COL18A1: variants seen among roughly 807,000 people sequenced by gnomAD.
COL18A1 encodes the protein collagen alpha-1(XVIII) chain.
In COL18A1, 133 loss-of-function variants were observed where a neutral mutation model predicts 168.0. The observed-to-expected ratio is 0.79, with a 90% CI of 0.69 to 0.91. The LOEUF (loss-of-function observed/expected upper bound fraction) is 0.91, where lower values mean the gene tolerates loss of function less well. COL18A1 is among the 40% of genes least tolerant of loss of function. The pLI is 0.00. For missense variants in COL18A1, 2,126 were observed against 1,925.4 expected (o/e 1.10, Z -1.95); for synonymous variants, 949 against 809.0 (o/e 1.17, Z -2.94).
rs543173469 is a variant in COL18A1, at chr21:45,480,745, G to A, written c.1498G>A (p.Gly500Ser). ...ACCTCCCGGACCCCCCGGTGTCCCA[G>A]GCCTGCCCGGCGAGCCAGGCCGCTT... ...PGPPGPPGVP[G>S]LPGEPGRFGV... The change falls in exon 13 of 42, where the codon GGC (glycine) becomes AGC (serine). Residue 500 changes from glycine to serine, a missense_variant. By Grantham distance (56) the Gly-to-Ser change is moderately conservative. Coordinates refer to ENST00000651438, the MANE Select transcript of COL18A1 (RefSeq NM_001379500.1). The A allele has an allele frequency of 6.2e-7, 1 of 1,610,764 alleles. No individual in the cohort carries two copies. Among genetic ancestry groups the A allele is most frequent in the Non-Finnish European group, 8.5e-7 (1 of 1,179,904 alleles).
intron 1 of COL18A1, 60 bp from the exon 2 acceptor site, chr21:45,405,319 C>T (rs1417325018): frequency 1.3e-6 from 1 of 768,848 alleles, no homozygotes; most frequent in South Asian, 6.3e-5. Context: ...CGGGGCTCGG[C>T]CGGGTCCTGC....
At chr21:45,447,720 C>G (rs2034533944) in intron 2 of COL18A1, among the ~76,000 whole-genome samples, 1 of 152,206 alleles carries the variant, frequency 6.6e-6, no homozygotes, top group Non-Finnish European at 1.5e-5. Flanking sequence ...GACCTCTTGG[C>G]TCTCGAACTT....
Position 45,477,856 on chromosome 21 carries a change from C to T in COL18A1, c.1112C>T (p.Pro371Leu), listed in dbSNP as rs938623180. Residue 371 changes from proline (P) to leucine (L), a missense_variant, in exon 8 of 42, where the codon CCA becomes CTA. By Grantham distance (98) the Pro-to-Leu change is moderately conservative. Coordinates refer to ENST00000651438, the MANE Select transcript of COL18A1 (RefSeq NM_001379500.1). The stretch of plus-strand genomic sequence containing the variant: ...CCTGGTCCCCCGGGTCTCCCGTGCC[C>T]AGTGAGTCCCCTGGGTCCTGCAGGC... ...CLPGPPGLPC[P>L]VSPLGPAGPA... The T allele has an allele frequency of 6.4e-6, 10 of 1,554,360 alleles. No homozygotes were observed. In the African/African-American group the frequency reaches 1.2e-4, roughly 19 times the overall value.
At chr21:45,429,944 G>C (rs2033907152) in intron 2 of COL18A1, among the ~76,000 whole-genome samples, 1 of 151,150 alleles carries the variant, frequency 6.6e-6, no homozygotes, top group South Asian at 2.1e-4. Flanking sequence ...TCTCATTGGG[G>C]ACCCCCCGTC....
intron 2 of COL18A1, chr21:45,422,370 G>A (rs1460361296): frequency 4.3e-6 from 2 of 461,328 alleles, no homozygotes; most frequent in East Asian, 1.3e-4. Flanking sequence ...GGCATTTGGA[G>A]TGCGATGGCG....
At chr21:45,455,871 T>C in intron 2 of COL18A1, 1 of 1,613,034 alleles carries the variant, frequency 6.2e-7, no homozygotes, top group Non-Finnish European at 8.5e-7. Flanking sequence ...GGAGCCGAGA[T>C]CCTGAACGTG....
At chr21:45,507,519 G>A in intron 37 of COL18A1, 42 bp from the exon 38 acceptor site, 1 of 1,601,014 alleles carries the variant, frequency 6.2e-7, no homozygotes, top group Non-Finnish European at 8.5e-7. Context: ...CCTGGCTCAG[G>A]CCCAGCCGCA....
At chr21:45,436,381 C>T (rs906438783) in intron 2 of COL18A1, among the ~76,000 whole-genome samples, 5 of 152,202 alleles carry the variant, frequency 3.3e-5, no homozygotes, top group South Asian at 2.1e-4. Context: ...TGGGCAGGGA[C>T]GAGGGACTGT....
chr21:45,510,094 T>G lies in COL18A1; in HGVS notation c.3526T>G (p.Ser1176Ala). 6.3e-7 allele frequency: 1 copy of G among 1,587,392 alleles called. No homozygotes were observed. Among genetic ancestry groups the G allele is most frequent in the Non-Finnish European group, 8.5e-7 (1 of 1,169,934 alleles). ...CCTGGTTGCGCTCAACAGCCCCCTGTCAGGCGGCATGCGGGGCATCCGCGG... is the reference window on the plus strand; with the variant it reads ...CCTGGTTGCGCTCAACAGCCCCCTGGCAGGCGGCATGCGGGGCATCCGCGG... The part of the protein sequence containing the change: ...LHLVALNSPL[S>A]GGMRGIRGAD... Residue 1176 changes from serine to alanine, a missense_variant, in exon 40 of 42, where the codon TCA becomes GCA. By Grantham distance (99) the Ser-to-Ala change is moderately conservative (BLOSUM62 1). Coordinates refer to ENST00000651438, the MANE Select transcript of COL18A1 (RefSeq NM_001379500.1).
chr21:45,437,592 ACT>A (rs1424082879), intron 2 of COL18A1, among the ~76,000 whole-genome samples: 2 of 75,694 alleles, frequency 2.6e-5, no homozygotes, highest in Admixed American at 2.5e-4. Context: ...ACACACACAC[ACT>A]CACACACTCA....
intron 17 of COL18A1, among the ~76,000 whole-genome samples, chr21:45,487,887 T>C (rs2036171862): frequency 6.6e-6 from 1 of 152,268 alleles, no homozygotes; most frequent in African/African-American, 2.4e-5. Context: ...GAAATTCCTA[T>C]GAAATCTCCA....
rs1131100 is a variant in COL18A1, at chr21:45,479,928, C to T, written c.1275C>T (p.Pro425=). 130,181 of 1,612,350 alleles carry T rather than the reference C, an allele frequency of 0.081. 7,550 individuals are homozygous for T. Among genetic ancestry groups the T allele is most frequent in the African/African-American group, 0.28 (20,819 of 74,688 alleles). The change falls in exon 10 of 42, where the codon CCC becomes CCT. Residue 425 remains proline, a synonymous_variant. Transcript: ENST00000651438. ...KPGDTGPQGF[P]GTPGDVGPKG... is the part of the protein sequence containing the mutation. ...GCGACACCGGGCCACAAGGCTTCCC[C>T]GGGACTCCAGGGGACGTAGGTCCCA...
At chr21:45,512,092 G>T in intron 41 of COL18A1, 96 bp from the exon 42 acceptor site, 1 of 1,363,018 alleles carries the variant, frequency 7.3e-7, no homozygotes, top group South Asian at 1.2e-5. Flanking sequence ...TAACCCCAGG[G>T]CTGGCCTCCT....
At chr21:45,458,070 G>T (rs1352986073) in intron 2 of COL18A1, among the ~76,000 whole-genome samples, 1 of 140,146 alleles carries the variant, frequency 7.1e-6, no homozygotes, top group Non-Finnish European at 1.6e-5. Context: ...GTGGTCCCAG[G>T]AGTAAAGCCC....
rs1010193019 is a variant in COL18A1 at position 45,473,150 on chromosome 21, C to T, written c.652-745C>T. Among the ~76,000 whole-genome samples the T allele has an allele frequency of 2.0e-5, 3 of 152,260 alleles. No homozygotes were observed. Among genetic ancestry groups the T allele is most frequent in the Admixed American group, 6.5e-5 (1 of 15,286 alleles). ...TCCTCTCCCCACCAGGCAAGCTACC[C>T]GCTTGAGGCTTAGGACGTTGCGCCC... On this transcript the variant is annotated intron_variant, in intron 3 of 41. Coordinates refer to ENST00000651438, the MANE Select transcript of COL18A1 (RefSeq NM_001379500.1). This position sits in a 1 kb window ranked among gnomAD's most constrained non-coding sequence, Gnocchi z 4.0.
chr21:45,469,572 G>A lies in COL18A1; in HGVS notation c.651+786G>A, dbSNP rs1382295432. ...GCCTTCATTTCTTGGGGTTGGGGGGGTGGACAGATCCCTAAACCCATGTGG... is the reference window on the plus strand; with the variant it reads ...GCCTTCATTTCTTGGGGTTGGGGGGATGGACAGATCCCTAAACCCATGTGG... On this transcript the variant is annotated intron_variant, in intron 3 of 41. Transcript: ENST00000651438. Among the ~76,000 whole-genome samples the A allele has an allele frequency of 3.3e-5, 5 of 152,296 alleles. No individual in the cohort carries two copies. The South Asian group carries it at 8.3e-4, about 25-fold the overall frequency.
intron 2 of COL18A1, among the ~76,000 whole-genome samples, chr21:45,415,198 G>C (rs1045583384): frequency 6.6e-6 from 1 of 152,202 alleles, no homozygotes; most frequent in Non-Finnish European, 1.5e-5. Flanking sequence ...TCTCACCTGC[G>C]AAGGGCCACT....
chr21:45,427,170 G>A (rs2838924), intron 2 of COL18A1, among the ~76,000 whole-genome samples: 4,674 of 152,242 alleles, frequency 0.031, 216 homozygotes, highest in African/African-American at 0.099. Context: ...TGGCAGCCAC[G>A]CTGGGGGCTG....
intron 7 of COL18A1, 45 bp from the exon 8 acceptor site, chr21:45,477,705 T>A: frequency 6.7e-7 from 1 of 1,491,662 alleles, no homozygotes; most frequent in Non-Finnish European, 9.0e-7. Context: ...GCAGGGTGTG[T>A]GGGGCCCCAC....
Sources: gnomAD v4.1 joint callset for allele counts (sites outside exome capture counted in the v4.1 genomes callset) on GRCh38, gnomAD v4.1.1 for gene constraint, Gnocchi (gnomAD v3.1) non-coding constraint, MANE v1.5 for transcripts, NCBI Gene and HGNC (gene_info 2026-07-23, HGNC 2026-07-21) for gene names.